Variants in LSS observed in about 807,000 individuals in gnomAD.
LSS encodes the protein 2,3-epoxysqualene-lanosterol cyclase.
Under a neutral mutation model 110.3 loss-of-function variants are expected in LSS, and 90 were observed. The ratio of observed to expected loss-of-function variants is 0.82; its 90% confidence interval spans 0.69 to 0.97. The LOEUF is 0.97. Ranked by LOEUF, LSS falls within the 50% of genes least tolerant of loss-of-function variation. The pLI, the probability that LSS is intolerant of heterozygous loss-of-function variation, is 0.00. For synonymous variants in LSS, 433 were observed against 400.0 expected (o/e 1.08, Z -0.98); for missense variants, 927 against 990.0 (o/e 0.94, Z 0.85).
intron 14 of LSS, 98 bp downstream of exon 14, chr21:46,208,153 C>T: frequency 8.5e-7 from 1 of 1,178,806 alleles, no homozygotes; most frequent in Non-Finnish European, 1.2e-6. Flanking sequence ...GGGAGGAGTC[C>T]CCCAGGGAGG....
rs762425393 is a variant in LSS at position 46,227,614 on chromosome 21, C to T, written c.257G>A (p.Gly86Glu). The T allele has an allele frequency of 6.2e-7, 1 of 1,613,964 alleles. No homozygotes were observed. ...CCAGTGCCCATCCTCAGCCTGCAGC[C>T]CCACGTAAAATGTCATCCCGTTCAG... ...GALNGMTFYV[G>E]LQAEDGHWTG... The change falls in exon 3 of 22, where the codon GGG (glycine) becomes GAG (glutamate). Residue 86 changes from glycine (G) to glutamate (E), a missense_variant. Transcript: ENST00000397728.
chr21:46,228,189 T>C lies in LSS; in HGVS notation c.180+245A>G, dbSNP rs114900297. Among the ~76,000 whole-genome samples, 673 of 152,352 alleles carry C rather than the reference T, an allele frequency of 4.4e-3. 5 individuals carry two copies. Among genetic ancestry groups the C allele is most frequent in the African/African-American group, 0.016 (645 of 41,586 alleles). On this transcript the variant is annotated intron_variant, in intron 2 of 21. Coordinates refer to ENST00000397728, the MANE Select transcript of LSS (RefSeq NM_002340.6). ...GTTACAACTATCTTTGCAACTCTCC[T>C]ATAAGTCAAAAATTATCTCAAAATA...
intron 3 of LSS, chr21:46,225,269 T>A (rs2080323220): frequency 5.6e-6 from 2 of 354,634 alleles, no homozygotes; most frequent in South Asian, 4.3e-5. Flanking sequence ...TAGTGAGAAG[T>A]GACCAGAAGA....
chr21:46,195,738 G>A lies in LSS; in HGVS notation c.1755C>T (p.Phe585=), dbSNP rs1216579305. 3 of 1,613,798 alleles carry A rather than the reference G, an allele frequency of 1.9e-6. No individual in the cohort carries two copies. The highest frequency in any genetic ancestry group is 1.7e-6 in the Non-Finnish European group (2 of 1,180,000). The change falls in exon 19 of 22, where the codon TTC becomes TTT. Residue 585 remains phenylalanine, a synonymous_variant. Transcript: ENST00000397728. ...CCAGGCCAAACCAGGTGCCGTAGGTGAAGCAAACTCCCCAGGAGCTGGAGG... is the reference window on the plus strand; with the variant it reads ...CCAGGCCAAACCAGGTGCCGTAGGTAAAGCAAACTCCCCAGGAGCTGGAGG... ...GSWEGSWGVC[F]TYGTWFGLEA... is the part of the protein sequence containing the mutation.
In LSS at chr21:46,194,796, CCA is replaced by C. The variant is rs1272938219; in HGVS notation, c.1818-137_1818-136del. 6 of 786,900 alleles carry C rather than the reference CCA, an allele frequency of 7.6e-6. No individual in the cohort carries two copies. In the African/African-American group the frequency reaches 1.1e-4, roughly 14 times the overall value. The allele number at this position is 786,900 out of a possible 1,614,324, so 48.7% of individuals were successfully genotyped here. On this transcript the variant is annotated intron_variant, in intron 19 of 21. Coordinates refer to ENST00000397728, the MANE Select transcript of LSS (RefSeq NM_002340.6). ...GGCCACCCTACCTAAGGGCCATGGG[CCA>C]CTACTGAAACCCGAGCTTGACTTTT...
intron 17 of LSS, among the ~76,000 whole-genome samples, chr21:46,199,096 A>C (rs1353069708): frequency 6.6e-6 from 1 of 152,226 alleles, no homozygotes; most frequent in East Asian, 1.9e-4. Context: ...ATAGAATGAA[A>C]AGACAAGACA....
chr21:46,224,239 GTGGA>G (rs2080310859), intron 3 of LSS, among the ~76,000 whole-genome samples: 1 of 152,180 alleles, frequency 6.6e-6, no homozygotes, highest in Non-Finnish European at 1.5e-5. Context: ...CCCCTGTCCA[GTGGA>G]CACGTGACCC....
chr21:46,220,982 T>TGGGGCTTGGAGAGGTAGCCAGGCC (rs973089814), intron 5 of LSS, among the ~76,000 whole-genome samples: 2 of 102,532 alleles, frequency 2.0e-5, no homozygotes, highest in Non-Finnish European at 4.0e-5. Context: ...GTGGACAGCC[T>TGGGGCTTGGAGAGGTAGCCAGGCC]GGGGCTTGGA....
At chr21:46,197,862 C>G (rs1253102270) in intron 17 of LSS, among the ~76,000 whole-genome samples, 3 of 151,174 alleles carry the variant, frequency 2.0e-5, no homozygotes, top group Admixed American at 6.6e-5. Context: ...GGACTCCAGC[C>G]TGGGAGACAG....
Position 46,194,473 on chromosome 21 carries a change from C to T in LSS, c.1988+18G>A, listed in dbSNP as rs201327115. On this transcript the variant is annotated intron_variant, in intron 20 of 21. Coordinates refer to ENST00000397728, the MANE Select transcript of LSS (RefSeq NM_002340.6). ...TCTACCCAAACCCAAGGCTCAGGGA[C>T]GGTCCCGTCGTCCCCACCGAACGGC... 6.1e-5 allele frequency: 98 copies of T among 1,611,942 alleles called. 2 individuals carry two copies. The highest frequency in any genetic ancestry group is 3.6e-4 in the Middle Eastern group (2 of 5,556).
Position 46,196,166 on chromosome 21 carries a change from G to A in LSS, c.1736+36C>T, listed in dbSNP as rs2839140. 928,224 of 1,597,162 alleles carry A rather than the reference G, an allele frequency of 0.58. 271,181 individuals carry two copies. Among genetic ancestry groups the A allele is most frequent in the East Asian group, 0.73 (32,832 of 44,724 alleles). On this transcript the variant is annotated intron_variant, in intron 18 of 21. Transcript: ENST00000397728. ...GTGAGAGCAGAAACCTGTGGATCCC[G>A]TGCATCTCTGCACTCACGAGTGGAG...
chr21:46,201,629 A>G (rs1432842061), intron 17 of LSS, among the ~76,000 whole-genome samples: 1 of 152,092 alleles, frequency 6.6e-6, no homozygotes, highest in Non-Finnish European at 1.5e-5. Flanking sequence ...AAAGAATTCT[A>G]GTCAGAGTAA....
chr21:46,222,680 C>G lies in LSS; in HGVS notation c.378G>C (p.Glu126Asp). 1 of 1,613,938 alleles carries G rather than the reference C, an allele frequency of 6.2e-7. No individual in the cohort carries two copies. The highest frequency in any genetic ancestry group is 2.2e-5 in the East Asian group (1 of 44,886). Residue 126 changes from glutamate (E) to aspartate (D), a missense_variant, in exon 4 of 22, where the codon GAG (glutamate) becomes GAC (aspartate). Glu to Asp is a conservative substitution (Grantham distance 45). Transcript: ENST00000397728. ...RIPLPAGYRE[E>D]IVRYLRSVQL... ...GCACTGACCGCAGGTACCGCACAAT[C>G]TCTTCTCTGTATCCGGCTGGCAGAG...
chr21:46,222,594 G>A (rs1163342020), intron 4 of LSS, 36 bp downstream of exon 4: 6 of 1,562,660 alleles, frequency 3.8e-6, no homozygotes, highest in Non-Finnish European at 5.3e-6. Context: ...ACACACACAT[G>A]CACATGTGCA....
At chr21:46,221,802 A>G in intron 5 of LSS, 52 bp downstream of exon 5, 1 of 1,611,090 alleles carries the variant, frequency 6.2e-7, no homozygotes, top group Non-Finnish European at 8.5e-7. Flanking sequence ...GTGAGAGCTC[A>G]TTATCGAGTT....
At chr21:46,222,549 T>C (rs1037595990) in intron 4 of LSS, 81 bp downstream of exon 4, 24 of 1,289,828 alleles carry the variant, frequency 1.9e-5, no homozygotes, top group Non-Finnish European at 2.6e-5. Context: ...CCCTGGCAGC[T>C]GCCTGGAAAC....
chr21:46,197,874 G>A (rs1307393082), intron 17 of LSS, among the ~76,000 whole-genome samples: 7 of 150,584 alleles, frequency 4.6e-5, no homozygotes, highest in African/African-American at 1.7e-4. Flanking sequence ...GGGAGACAGA[G>A]ACTCTGTCTC....
At chr21:46,217,429 G>A (rs2080221651) in intron 6 of LSS, among the ~76,000 whole-genome samples, 1 of 152,106 alleles carries the variant, frequency 6.6e-6, no homozygotes, top group South Asian at 2.1e-4. Flanking sequence ...CTTATGTGAT[G>A]CCTTATGTGA....
chr21:46,220,903 G>A (rs2080269875), intron 5 of LSS, among the ~76,000 whole-genome samples: 1 of 146,964 alleles, frequency 6.8e-6, no homozygotes, highest in Non-Finnish European at 1.5e-5. Flanking sequence ...TTGGAGAGGT[G>A]GACAGCCCAG....
Sources: allele counts gnomAD v4.1 joint callset (sites outside exome capture counted in the v4.1 genomes callset), GRCh38; gene constraint gnomAD v4.1.1; transcripts MANE v1.5; gene names NCBI Gene and HGNC (gene_info 2026-07-23, HGNC 2026-07-21).